MSRB3: variants seen among roughly 807,000 people sequenced by gnomAD.
MSRB3 encodes the protein methionine sulfoxide reductase B3, also known as methionine-R-sulfoxide reductase B3.
Under a neutral mutation model 21.0 loss-of-function variants are expected in MSRB3, and 13 were observed. The observed-to-expected ratio is 0.62, with a 90% CI of 0.40 to 0.98. MSRB3 has a LOEUF of 0.98. Among genes scored for constraint, MSRB3 ranks in the 50% least tolerant of loss-of-function variants. The pLI, the probability that MSRB3 is intolerant of heterozygous loss-of-function variation, is 0.00. For synonymous variants in MSRB3, 87 were observed against 88.6 expected (o/e 0.98, Z 0.10); for missense variants, 199 against 230.3 (o/e 0.86, Z 0.88).
chr12:65,360,272 G>GGT (rs1455952001), intron 4 of MSRB3, among the ~76,000 whole-genome samples: 1 of 151,962 alleles, frequency 6.6e-6, no homozygotes. Flanking sequence ...ATAACATGAA[G>GGT]GTATACTCTG....
chr12:65,321,305 TACTC>T lies in MSRB3; in HGVS notation c.77-5519_77-5516del, dbSNP rs141284248. 8.1e-3 allele frequency among the ~76,000 whole-genome samples: 1,228 copies of T among 152,256 alleles called. 18 individuals carry two copies. Among genetic ancestry groups the T allele is most frequent in the African/African-American group, 0.029 (1,187 of 41,546 alleles). On this transcript the variant is annotated intron_variant, in intron 2 of 6. Transcript: ENST00000308259. ...TAGAATAGTGCCAGCAGATAATAGG[TACTC>T]AATAAATAATTATTGAACTAATGTA...
chr12:65,326,768 C>T (rs1490026383), intron 2 of MSRB3, 58 bp from the exon 3 acceptor site: 2 of 1,379,128 alleles, frequency 1.5e-6, no homozygotes, highest in Non-Finnish European at 2.0e-6. Flanking sequence ...TCAGCCAAAG[C>T]AATTATTTAG....
chr12:65,432,150 A>T (rs1382090271), intron 5 of MSRB3, among the ~76,000 whole-genome samples: 1 of 152,072 alleles, frequency 6.6e-6, no homozygotes, highest in East Asian at 1.9e-4. Context: ...ACACAAAGGA[A>T]TACACCAAGT....
intron 1 of MSRB3, among the ~76,000 whole-genome samples, chr12:65,297,903 T>G (rs531289125): frequency 7.2e-5 from 11 of 152,232 alleles, no homozygotes; most frequent in African/African-American, 2.2e-4. Flanking sequence ...GAAATAAAAT[T>G]GACAGCACTT....
chr12:65,326,984 C>T, intron 3 of MSRB3, 50 bp downstream of exon 3: 1 of 1,371,322 alleles, frequency 7.3e-7, no homozygotes, highest in Non-Finnish European at 1.0e-6. Flanking sequence ...TTCTTCTCCC[C>T]CTGCCCTCTG....
intron 5 of MSRB3, among the ~76,000 whole-genome samples, chr12:65,446,688 G>C (rs879666057): frequency 1.3e-5 from 2 of 151,758 alleles, no homozygotes; most frequent in Non-Finnish European, 2.9e-5. Flanking sequence ...GAATTGGAGT[G>C]GGGTAGGGAG....
At chr12:65,389,325 AT>A (rs965342391) in intron 5 of MSRB3, among the ~76,000 whole-genome samples, 74 of 150,010 alleles carry the variant, frequency 4.9e-4, no homozygotes, top group African/African-American at 1.7e-3. Flanking sequence ...TGTTTTCTTC[AT>A]TTTTTTTTAA....
At chr12:65,293,121 G>T (rs1171355169) in intron 1 of MSRB3, among the ~76,000 whole-genome samples, 1 of 152,066 alleles carries the variant, frequency 6.6e-6, no homozygotes, top group Non-Finnish European at 1.5e-5. Context: ...TTGTTACCTA[G>T]CTTAATAAAT....
At chr12:65,380,500 G>A (rs375118694) in intron 5 of MSRB3, among the ~76,000 whole-genome samples, 20 of 152,190 alleles carry the variant, frequency 1.3e-4, no homozygotes, top group African/African-American at 3.9e-4. Context: ...GCTTGAACCC[G>A]GGAGGTGGAG....
chr12:65,404,309 A>G (rs952556351), intron 5 of MSRB3, among the ~76,000 whole-genome samples: 8 of 152,228 alleles, frequency 5.3e-5, no homozygotes, highest in African/African-American at 9.6e-5. Context: ...ACCCACTTTC[A>G]AATAACACCA....
In MSRB3 at chr12:65,453,831, T is replaced by C. The variant is rs1882967755; in HGVS notation, c.390+6T>C. On this transcript the variant is annotated splice_donor_region_variant and intron_variant, in intron 6 of 6. Transcript: ENST00000308259. ...TGGAAACAAGCTGCTCTCAGGTGAG[T>C]TCATCCTTTCTGAAAACCCAATACA... is the stretch of plus-strand genomic sequence containing the variant. The C allele has an allele frequency of 6.2e-7, 1 of 1,611,770 alleles. No individual in the cohort carries two copies. Among genetic ancestry groups the C allele is most frequent in the Non-Finnish European group, 8.5e-7 (1 of 1,177,888 alleles).
intron 4 of MSRB3, among the ~76,000 whole-genome samples, chr12:65,340,765 G>GAAAA (rs920733880): frequency 6.6e-6 from 1 of 151,718 alleles, no homozygotes; most frequent in Non-Finnish European, 1.5e-5. Flanking sequence ...CACAGAGATG[G>GAAAA]AAAAAACTAT....
intron 1 of MSRB3, among the ~76,000 whole-genome samples, chr12:65,282,804 C>T (rs1158892436): frequency 6.6e-6 from 1 of 151,858 alleles, no homozygotes; most frequent in Non-Finnish European, 1.5e-5. Flanking sequence ...GAGGTAGAAC[C>T]TGATAGACAC....
chr12:65,315,669 A>G (rs1874247670), intron 2 of MSRB3, among the ~76,000 whole-genome samples: 1 of 56,256 alleles, frequency 1.8e-5, no homozygotes, highest in African/African-American at 8.1e-5. Context: ...CTCTGTCTCC[A>G]TCTCAAAAAA....
intron 1 of MSRB3, among the ~76,000 whole-genome samples, chr12:65,292,026 T>C (rs540723784): frequency 6.6e-6 from 1 of 152,280 alleles, no homozygotes; most frequent in South Asian, 2.1e-4. Context: ...TGGACCACAG[T>C]GGTGGTGGCA....
intron 5 of MSRB3, among the ~76,000 whole-genome samples, chr12:65,407,919 A>G (rs972746098): frequency 1.4e-5 from 2 of 147,608 alleles, no homozygotes; most frequent in South Asian, 2.1e-4. Flanking sequence ...TAGAGTTTCC[A>G]TTGCTTTGCT....
At chr12:65,363,471 A>G (rs1246386261) in intron 4 of MSRB3, among the ~76,000 whole-genome samples, 1 of 152,206 alleles carries the variant, frequency 6.6e-6, no homozygotes, top group African/African-American at 2.4e-5. Context: ...AAAAGAATGC[A>G]TATATTACAT....
At chr12:65,354,785 G>A (rs1004348416) in intron 4 of MSRB3, among the ~76,000 whole-genome samples, 2 of 151,838 alleles carry the variant, frequency 1.3e-5, no homozygotes, top group Non-Finnish European at 1.5e-5. Flanking sequence ...TTTAGAAAAG[G>A]CAATTTTAGT....
intron 2 of MSRB3, 62 bp from the exon 3 acceptor site, chr12:65,326,763 CA>C (rs1007989909): frequency 1.7e-5 from 23 of 1,338,570 alleles, no homozygotes; most frequent in Non-Finnish European, 2.2e-5. Flanking sequence ...GGCGGTCAGC[CA>C]AAGCAATTAT....
Sources: allele counts gnomAD v4.1 joint callset (sites outside exome capture counted in the v4.1 genomes callset), GRCh38; gene constraint gnomAD v4.1.1; transcripts MANE v1.5; gene names NCBI Gene and HGNC (gene_info 2026-07-23, HGNC 2026-07-21).